The following ZNF121 variants were observed in gnomAD, a reference collection of about 807,000 sequenced individuals.
The protein encoded by ZNF121 is zinc finger protein 121.
Under a neutral mutation model 2.4 loss-of-function variants are expected in ZNF121, and 1 was observed. The observed-to-expected ratio is 0.41, with a 90% CI of 0.15 to 1.94. ZNF121 has a LOEUF of 1.94. ZNF121 is among the 30% of genes most tolerant of loss of function. The probability of loss-of-function intolerance (pLI) is 0.30; values close to 1 mark genes in which losing one functional copy is unlikely to be tolerated. For missense variants in ZNF121, 369 were observed against 466.3 expected (o/e 0.79, Z 1.92); for synonymous variants, 173 against 158.6 (o/e 1.09, Z -0.68).
Position 9,568,134 on chromosome 19 carries a change from A to T in ZNF121, c.-37T>A. ...TTGATGTTTTGTTAAGCCAAAAAAA[A>T]ATGTTGTTGAGGTGCTGACACTTTG... On this transcript the variant is annotated 5_prime_UTR_variant, in exon 3 of 4. Coordinates refer to ENST00000320451, the MANE Select transcript of ZNF121 (RefSeq NM_001008727.5). 1.9e-6 allele frequency: 3 copies of T among 1,543,404 alleles called. No homozygotes were observed. In the South Asian group the frequency reaches 3.7e-5, roughly 19 times the overall value.
chr19:9,570,669 C>T (rs952616574), intron 1 of ZNF121, among the ~76,000 whole-genome samples: 31 of 152,122 alleles, frequency 2.0e-4, no homozygotes, highest in African/African-American at 5.5e-4. Context: ...TGGGTTAAAG[C>T]GATTCTCCTG....
chr19:9,577,333 C>T (rs949854127), intron 1 of ZNF121, among the ~76,000 whole-genome samples: 4 of 151,988 alleles, frequency 2.6e-5, no homozygotes, highest in African/African-American at 4.8e-5. Flanking sequence ...GCCTGTAGTC[C>T]CTGCTACTAA....
At chr19:9,581,537 CAAAAAGGAGA>C (rs1261282130) in intron 1 of ZNF121, among the ~76,000 whole-genome samples, 13 of 149,402 alleles carry the variant, frequency 8.7e-5, no homozygotes, top group African/African-American at 3.2e-4. Flanking sequence ...CTAACAAAGG[CAAAAAGGAGA>C]AAAAAGGAGA....
At chr19:9,575,143 A>G (rs368794842) in intron 1 of ZNF121, among the ~76,000 whole-genome samples, 2 of 152,316 alleles carry the variant, frequency 1.3e-5, no homozygotes, top group South Asian at 2.1e-4. Context: ...TATTCAGGTC[A>G]GCACAATGTC....
chr19:9,574,267 T>A (rs2074194808), intron 1 of ZNF121, among the ~76,000 whole-genome samples: 4 of 152,094 alleles, frequency 2.6e-5, no homozygotes, highest in Admixed American at 1.3e-4. Flanking sequence ...TGCCTCAGCC[T>A]CCCTAGTACC....
At chr19:9,572,121 A>T (rs2074178553) in intron 1 of ZNF121, among the ~76,000 whole-genome samples, 1 of 152,312 alleles carries the variant, frequency 6.6e-6, no homozygotes, top group African/African-American at 2.4e-5. Context: ...CCAAAATGGT[A>T]GTACAGAAGC....
In ZNF121 at chr19:9,584,493, C is replaced by A. The variant is rs894409935; in HGVS notation, c.-192G>T. On this transcript the variant is annotated 5_prime_UTR_variant, in exon 1 of 4. Transcript: ENST00000320451. Reference sequence around the variant, plus strand: ...AGGGTGGACTCCACCACGATAAAGGCGAAATGGCACTGACCATGCGGAGCC... The same window carrying A: ...AGGGTGGACTCCACCACGATAAAGGAGAAATGGCACTGACCATGCGGAGCC... The A allele has an allele frequency of 6.6e-6, 1 of 152,228 alleles. No homozygotes were observed. The highest frequency in any genetic ancestry group is 6.5e-5 in the Admixed American group (1 of 15,278). The allele number at this position is 152,228 out of a possible 1,614,324, so 9.4% of individuals were successfully genotyped here. A position where few individuals can be genotyped will look rare whatever the true frequency, so the allele number is the denominator to read the frequency against.
chr19:9,577,316 C>T (rs1176799071), intron 1 of ZNF121, among the ~76,000 whole-genome samples: 1 of 151,812 alleles, frequency 6.6e-6, no homozygotes, highest in African/African-American at 2.4e-5. Flanking sequence ...GGAGTGGAGG[C>T]ATGTGCGCCT....
intron 1 of ZNF121, among the ~76,000 whole-genome samples, chr19:9,573,841 G>A (rs1355898188): frequency 6.6e-6 from 1 of 152,030 alleles, no homozygotes; most frequent in Non-Finnish European, 1.5e-5. Context: ...GAAGGGAGTA[G>A]GATGACATTT....
chr19:9,572,830 C>T (rs73006369), intron 1 of ZNF121, among the ~76,000 whole-genome samples: 15,273 of 152,008 alleles, frequency 0.1, 895 homozygotes, highest in South Asian at 0.2. Context: ...AGTTCAAGAC[C>T]AGCAACAAGA....
chr19:9,583,367 C>T (rs530656138), intron 1 of ZNF121, among the ~76,000 whole-genome samples: 5 of 151,330 alleles, frequency 3.3e-5, no homozygotes, highest in African/African-American at 1.2e-4. Flanking sequence ...GCTCTCATCG[C>T]CCAGGCTGGA....
intron 1 of ZNF121, among the ~76,000 whole-genome samples, chr19:9,570,176 A>G (rs2074163874): frequency 6.6e-6 from 1 of 152,112 alleles, no homozygotes; most frequent in Non-Finnish European, 1.5e-5. Flanking sequence ...ACTGCACTCC[A>G]GGCTGGGCAA....
chr19:9,565,963 T>C lies in ZNF121; in HGVS notation c.1150A>G (p.Thr384Ala), dbSNP rs779286951. ...GKAYNRFYLL[T>A]KHLKTH ...CTTCAGTGTGTTTTTAAATGTTTAG[T>C]AAGTAAATAAAATCTATTGTAGGCT... is the stretch of plus-strand genomic sequence containing the variant. Residue 384 changes from threonine (T) to alanine (A), a missense_variant, in exon 4 of 4, where the codon ACT (threonine) becomes GCT (alanine). By Grantham distance (58) the Thr-to-Ala change is moderately conservative. Coordinates refer to ENST00000320451, the MANE Select transcript of ZNF121 (RefSeq NM_001008727.5). 1.5e-5 allele frequency: 24 copies of C among 1,570,940 alleles called. No individual in the cohort carries two copies. Among genetic ancestry groups the C allele is most frequent in the Non-Finnish European group, 2.0e-5 (23 of 1,159,864 alleles).
At chr19:9,579,541 TG>T (rs1015903691) in intron 1 of ZNF121, among the ~76,000 whole-genome samples, 64 of 152,194 alleles carry the variant, frequency 4.2e-4, no homozygotes, top group African/African-American at 1.5e-3. Flanking sequence ...AAAAATTAGC[TG>T]GGAATTGTGG....
In ZNF121 at chr19:9,561,301, G is replaced by A. The variant is rs1205584118; in HGVS notation, c.*4639C>T. 1 of 152,120 alleles carries A rather than the reference G, an allele frequency of 6.6e-6. No individual in the cohort carries two copies. Among genetic ancestry groups the A allele is most frequent in the Non-Finnish European group, 1.5e-5 (1 of 68,014 alleles). The allele number at this position is 152,120 out of a possible 1,614,324, so 9.4% of individuals were successfully genotyped here. Reference sequence around the variant, plus strand: ...ATTAAAATAAATTACATTTTTCTGAGTCTAGGGCTGGAGACAAATGTACCA... The same window carrying A: ...ATTAAAATAAATTACATTTTTCTGAATCTAGGGCTGGAGACAAATGTACCA... On this transcript the variant is annotated 3_prime_UTR_variant, in exon 4 of 4. Transcript: ENST00000320451.
In ZNF121 at chr19:9,562,653, C is replaced by T. The variant is rs147764493; in HGVS notation, c.*3287G>A. 879 of 153,076 alleles carry T rather than the reference C, an allele frequency of 5.7e-3. 11 individuals carry two copies. Among genetic ancestry groups the T allele is most frequent in the African/African-American group, 0.02 (846 of 41,490 alleles). 9.5% of individuals were successfully genotyped at this position (153,076 alleles called of 1,614,324 possible). On this transcript the variant is annotated 3_prime_UTR_variant, in exon 4 of 4. Coordinates refer to ENST00000320451, the MANE Select transcript of ZNF121 (RefSeq NM_001008727.5). The stretch of plus-strand genomic sequence containing the variant: ...ATATTGAAATTAGGCCAATTCATTA[C>T]CCCACAATGGCCTCTAACTGTTCAA...
intron 3 of ZNF121, 122 bp downstream of exon 3, chr19:9,567,973 A>C: frequency 1.9e-5 from 21 of 1,119,600 alleles, no homozygotes; most frequent in Non-Finnish European, 2.4e-5. Context: ...CCCTTGCTCT[A>C]GAGACATTCC....
intron 1 of ZNF121, among the ~76,000 whole-genome samples, chr19:9,579,401 C>A (rs1273565461): frequency 1.3e-5 from 2 of 152,034 alleles, no homozygotes. Context: ...ACACATAAAA[C>A]CTGTCAGTCA....
At chr19:9,574,524 C>T (rs112981095) in intron 1 of ZNF121, among the ~76,000 whole-genome samples, 5,223 of 152,158 alleles carry the variant, frequency 0.034, 314 homozygotes, top group African/African-American at 0.12. Flanking sequence ...GAGAGTACAC[C>T]GAACAAAGGA....
Sources: gnomAD v4.1 joint callset for allele counts (sites outside exome capture counted in the v4.1 genomes callset) on GRCh38, gnomAD v4.1.1 for gene constraint, MANE v1.5 for transcripts, NCBI Gene and HGNC (gene_info 2026-07-23, HGNC 2026-07-21) for gene names.